Variants in CSTPP1 observed in about 807,000 individuals in gnomAD.
CSTPP1 encodes the protein centriolar satellite-associated tubulin polyglutamylase complex regulator 1.
the CSTPP1 span, among the ~76,000 whole-genome samples, chr11:47,116,875 G>A: frequency 6.6e-6 from 1 of 151,908 alleles, no homozygotes; most frequent in African/African-American, 2.4e-5. Context: ...TAGAGACGGG[G>A]TTTCACCATG....
chr11:46,987,949 G>A, the CSTPP1 span: 1 of 152,294 alleles, frequency 6.6e-6, no homozygotes, highest in South Asian at 2.1e-4. Flanking sequence ...TGGCAAACAG[G>A]CATAAGCAAA....
chr11:47,033,112 A>AGAG, the CSTPP1 span, among the ~76,000 whole-genome samples: 1 of 152,312 alleles, frequency 6.6e-6, no homozygotes, highest in East Asian at 1.9e-4. Context: ...AGGAAGAGAA[A>AGAG]GAGGAGGAGG....
chr11:47,139,659 G>A, the CSTPP1 span, among the ~76,000 whole-genome samples: 1 of 148,454 alleles, frequency 6.7e-6, no homozygotes, highest in Non-Finnish European at 1.5e-5. Context: ...GGGACAGAGT[G>A]AGACTGAACG....
chr11:46,978,792 G>T, the CSTPP1 span, among the ~76,000 whole-genome samples: 1 of 152,096 alleles, frequency 6.6e-6, no homozygotes, highest in South Asian at 2.1e-4. Context: ...CCCCACCTTC[G>T]TGCAGAGCCA....
the CSTPP1 span, among the ~76,000 whole-genome samples, chr11:47,047,313 A>G: frequency 6.6e-6 from 1 of 152,242 alleles, no homozygotes; most frequent in Admixed American, 6.5e-5. Context: ...ATAAAATTGG[A>G]AAGTTCAAAC....
At chr11:47,063,884 T>C in the CSTPP1 span, among the ~76,000 whole-genome samples, 1 of 152,168 alleles carries the variant, frequency 6.6e-6, no homozygotes, top group Non-Finnish European at 1.5e-5. Context: ...ATGTTTAATT[T>C]TTTGAGGAAC....
At chr11:46,963,367 T>C in the CSTPP1 span, among the ~76,000 whole-genome samples, 1 of 151,784 alleles carries the variant, frequency 6.6e-6, no homozygotes, top group South Asian at 2.1e-4. Flanking sequence ...CTTTGTCAAG[T>C]AGTTTTTCCA....
chr11:47,121,886 A>G, the CSTPP1 span, among the ~76,000 whole-genome samples: 1 of 151,500 alleles, frequency 6.6e-6, no homozygotes, highest in Non-Finnish European at 1.5e-5. Context: ...AGCCTGGGCA[A>G]CATAGTAAAC....
chr11:47,104,491 A>G, the CSTPP1 span, among the ~76,000 whole-genome samples: 2 of 152,148 alleles, frequency 1.3e-5, no homozygotes, highest in East Asian at 1.9e-4. Flanking sequence ...TCTCTGCTGC[A>G]TTCCCTACAT....
the CSTPP1 span, among the ~76,000 whole-genome samples, chr11:47,057,047 C>T: frequency 6.6e-6 from 1 of 152,120 alleles, no homozygotes; most frequent in Non-Finnish European, 1.5e-5. Context: ...CAGTTTTTAG[C>T]AAGTACAGGA....
chr11:47,026,271 G>A, the CSTPP1 span, among the ~76,000 whole-genome samples: 9 of 152,236 alleles, frequency 5.9e-5, no homozygotes, highest in Admixed American at 2.6e-4. Context: ...TAAGGCTAGG[G>A]GATATTTCCC....
At chr11:47,144,887 G>T in the CSTPP1 span, among the ~76,000 whole-genome samples, 3 of 151,860 alleles carry the variant, frequency 2.0e-5, no homozygotes, top group Non-Finnish European at 4.4e-5. Flanking sequence ...TTAGGGCGGG[G>T]CTCAATAATT....
the CSTPP1 span, among the ~76,000 whole-genome samples, chr11:46,974,383 C>T: frequency 6.6e-6 from 1 of 151,336 alleles, no homozygotes; most frequent in Non-Finnish European, 1.5e-5. Context: ...CAAAAATTAT[C>T]CAGGCGTGGT....
chr11:47,127,707 G>T, the CSTPP1 span, among the ~76,000 whole-genome samples: 4 of 151,234 alleles, frequency 2.6e-5, no homozygotes, highest in Non-Finnish European at 2.9e-5. Context: ...AAAAAAAAAA[G>T]ATTTTTTAAT....
At chr11:47,163,442 C>T in the CSTPP1 span, among the ~76,000 whole-genome samples, 1 of 152,188 alleles carries the variant, frequency 6.6e-6, no homozygotes, top group Non-Finnish European at 1.5e-5. Flanking sequence ...TCCCTCTGCC[C>T]ATCCTTTCTA....
At chr11:47,077,020 T>A in the CSTPP1 span, among the ~76,000 whole-genome samples, 1 of 150,840 alleles carries the variant, frequency 6.6e-6, no homozygotes, top group African/African-American at 2.4e-5. Flanking sequence ...ACCTAAAAAT[T>A]TGAAGTTCTA....
chr11:47,119,694 C>T, the CSTPP1 span, among the ~76,000 whole-genome samples: 2 of 150,518 alleles, frequency 1.3e-5, no homozygotes, highest in Admixed American at 1.3e-4. Context: ...TCACCACAAC[C>T]TCCACCTCCC....
At chr11:47,142,180 T>A in the CSTPP1 span, among the ~76,000 whole-genome samples, 1 of 150,830 alleles carries the variant, frequency 6.6e-6, no homozygotes, top group African/African-American at 2.4e-5. Flanking sequence ...GAGGCAGAGG[T>A]TGCAGTGAGC....
the CSTPP1 span, among the ~76,000 whole-genome samples, chr11:46,963,912 A>G: frequency 6.6e-6 from 1 of 152,180 alleles, no homozygotes; most frequent in Non-Finnish European, 1.5e-5. Context: ...GGAAATTTAG[A>G]AAAGATAACT....
Sources: gnomAD v4.1 joint callset for allele counts (sites outside exome capture counted in the v4.1 genomes callset) on GRCh38, gnomAD v4.1.1 for gene constraint, MANE v1.5 for transcripts, NCBI Gene and HGNC (gene_info 2026-07-23, HGNC 2026-07-21) for gene names.